Variants in RBFOX1 observed in about 807,000 individuals in gnomAD.
RBFOX1 encodes the protein RNA binding protein fox-1 homolog 1.
Under a neutral mutation model 57.7 loss-of-function variants are expected in RBFOX1, and 8 were observed. That is an observed-to-expected ratio of 0.14 (90% CI 0.08 to 0.25). The LOEUF is 0.25. Among genes scored for constraint, RBFOX1 ranks in the 10% least tolerant of loss-of-function variants. RBFOX1 has a pLI of 1.00. For synonymous variants in RBFOX1, 326 were observed against 222.4 expected, an observed-to-expected ratio of 1.47 and a Z score of -4.15; for missense variants, 611 against 548.5, an observed-to-expected ratio of 1.11 and a Z score of -1.14.
intron 5 of RBFOX1, among the ~76,000 whole-genome samples, chr16:7,537,751 G>A (rs1212978005): frequency 6.6e-6 from 1 of 152,158 alleles, no homozygotes; most frequent in East Asian, 1.9e-4. Context: ...TAACGCAGGA[G>A]CCAGAGACTA....
intron 4 of RBFOX1, among the ~76,000 whole-genome samples, chr16:7,427,760 T>C (rs2098635896): frequency 1.3e-5 from 2 of 152,100 alleles, no homozygotes; most frequent in Admixed American, 1.3e-4. Context: ...TTCTAGTGAT[T>C]CTTGTGCCTC....
intron 4 of RBFOX1, among the ~76,000 whole-genome samples, chr16:7,055,740 T>C (rs565742170): frequency 2.0e-5 from 3 of 152,154 alleles, no homozygotes; most frequent in African/African-American, 7.2e-5. Context: ...TGCACAAAAG[T>C]AGGATTTACT....
intron 2 of RBFOX1, among the ~76,000 whole-genome samples, chr16:6,626,759 TAATA>T (rs201388993): frequency 0.013 from 1,900 of 150,662 alleles, 42 homozygotes; most frequent in East Asian, 0.066. Context: ...GACTCCATCT[TAATA>T]AATAAATAAA....
intron 2 of RBFOX1, among the ~76,000 whole-genome samples, chr16:6,393,047 C>G (rs768694865): frequency 8.5e-5 from 13 of 152,152 alleles, no homozygotes; most frequent in Non-Finnish European, 1.5e-4. Flanking sequence ...GGCTGGGACA[C>G]TGGAGTAAAT....
At chr16:6,926,427 A>C (rs1028337377) in intron 3 of RBFOX1, among the ~76,000 whole-genome samples, 1 of 152,160 alleles carries the variant, frequency 6.6e-6, no homozygotes, top group African/African-American at 2.4e-5. Flanking sequence ...AGGCCTCAGA[A>C]TTTCCCCTGC....
At chr16:7,343,337 C>T (rs994606512) in intron 4 of RBFOX1, among the ~76,000 whole-genome samples, 5 of 152,072 alleles carry the variant, frequency 3.3e-5, no homozygotes, top group Admixed American at 2.0e-4. Context: ...GGATCAGTGT[C>T]CAGGCAAGGG....
chr16:6,935,275 G>C (rs1476761534), intron 3 of RBFOX1, among the ~76,000 whole-genome samples: 1 of 152,142 alleles, frequency 6.6e-6, no homozygotes, highest in Non-Finnish European at 1.5e-5. Context: ...GCATGTAGCA[G>C]ATGTTCAGAG....
At chr16:5,362,725 A>C (rs2151343463) in intron 1 of RBFOX1, among the ~76,000 whole-genome samples, 1 of 152,152 alleles carries the variant, frequency 6.6e-6, no homozygotes, top group Middle Eastern at 3.4e-3. Flanking sequence ...AGCCCCCGAC[A>C]ACCACCATTT....
chr16:6,019,340 T>G lies in RBFOX1; in HGVS notation c.-779T>G. 6.1e-6 allele frequency: 6 copies of G among 985,464 alleles called. No homozygotes were observed. The highest frequency in any genetic ancestry group is 1.2e-4 in the East Asian group (1 of 8,686). The allele number at this position is 985,464 out of a possible 1,614,324, so 61.0% of individuals were successfully genotyped here. A position where few individuals can be genotyped will look rare whatever the true frequency, so the allele number is the denominator to read the frequency against. On this transcript the variant is annotated 5_prime_UTR_variant, in exon 1 of 16. Transcript: ENST00000550418. The surrounding 1 kb of genome is among the most constrained non-coding windows in gnomAD (Gnocchi z 4.2). ...CCGTGCGAGCCGCGCTGCCGCCGCCTCCTCCAGCCAGAGTCGGTGGGACTG... is the reference window on the plus strand; with the variant it reads ...CCGTGCGAGCCGCGCTGCCGCCGCCGCCTCCAGCCAGAGTCGGTGGGACTG...
intron 3 of RBFOX1, among the ~76,000 whole-genome samples, chr16:6,656,451 C>A (rs906240876): frequency 6.6e-6 from 1 of 152,088 alleles, no homozygotes; most frequent in Admixed American, 6.5e-5. Context: ...TCCACTCCAC[C>A]TATGTGAACT....
intron 4 of RBFOX1, among the ~76,000 whole-genome samples, chr16:5,944,987 A>AAG (rs1555453187): frequency 0.029 from 2,797 of 96,814 alleles, 215 homozygotes; most frequent in South Asian, 0.053. Context: ...AAAAAAAAAA[A>AAG]AGAGAGAGAG....
At chr16:6,464,310 A>C (rs1055963069) in intron 2 of RBFOX1, among the ~76,000 whole-genome samples, 4 of 152,152 alleles carry the variant, frequency 2.6e-5, no homozygotes. Context: ...ATCTTTGAAG[A>C]GCTGCTTTTA....
intron 11 of RBFOX1, among the ~76,000 whole-genome samples, chr16:7,639,042 T>C (rs2062288021): frequency 6.6e-6 from 1 of 152,136 alleles, no homozygotes; most frequent in African/African-American, 2.4e-5. Context: ...AAGATCAAGA[T>C]ACAAATTGAT....
At chr16:7,012,895 T>C (rs2093719568) in intron 3 of RBFOX1, among the ~76,000 whole-genome samples, 3 of 152,064 alleles carry the variant, frequency 2.0e-5, no homozygotes, top group Admixed American at 1.3e-4. Context: ...AGGCTGGAAG[T>C]TCAAGATCAG....
intron 12 of RBFOX1, among the ~76,000 whole-genome samples, chr16:7,655,452 C>T (rs989640368): frequency 2.0e-5 from 3 of 152,190 alleles, no homozygotes; most frequent in African/African-American, 4.8e-5. Flanking sequence ...TCCCTAATGC[C>T]TGTCAAATGT....
At chr16:5,685,722 G>C (rs1452760770) in intron 3 of RBFOX1, among the ~76,000 whole-genome samples, 1 of 152,212 alleles carries the variant, frequency 6.6e-6, no homozygotes, top group African/African-American at 2.4e-5. Context: ...TGAGGAGAGG[G>C]TGGTGCCTCC....
At chr16:6,158,489 T>G (rs938349984) in intron 1 of RBFOX1, among the ~76,000 whole-genome samples, 2 of 152,224 alleles carry the variant, frequency 1.3e-5, no homozygotes, top group African/African-American at 4.8e-5. Context: ...AACTCAGATT[T>G]GAATTTTATT....
In RBFOX1 at chr16:5,737,888, A is replaced by T. The variant is rs1264621181; in HGVS notation, c.319-129415A>T. Among the ~76,000 whole-genome samples the T allele has an allele frequency of 2.0e-5, 3 of 152,120 alleles. No individual in the cohort carries two copies. The South Asian group carries it at 6.2e-4, about 32-fold the overall frequency. Reference sequence around the variant, plus strand: ...TTTAAAAATTATACTTTAAGTTCTGAGACACATGTGCAGAACGTGCAGGTT... The same window carrying T: ...TTTAAAAATTATACTTTAAGTTCTGTGACACATGTGCAGAACGTGCAGGTT... On this transcript the variant is annotated intron_variant, in intron 3 of 19. Coordinates refer to the RBFOX1 transcript ENST00000641259.
At chr16:6,296,514 G>A (rs1449027195) in intron 1 of RBFOX1, among the ~76,000 whole-genome samples, 3 of 151,306 alleles carry the variant, frequency 2.0e-5, no homozygotes, top group African/African-American at 4.9e-5. Context: ...TCCGCCTCCC[G>A]GGTTCAGGCC....
Sources: gnomAD v4.1 joint callset for allele counts (sites outside exome capture counted in the v4.1 genomes callset) on GRCh38, gnomAD v4.1.1 for gene constraint, Gnocchi (gnomAD v3.1) non-coding constraint, MANE v1.5 for transcripts, NCBI Gene and HGNC (gene_info 2026-07-23, HGNC 2026-07-21) for gene names.